Variants in JAKMIP2 observed in about 807,000 individuals in gnomAD.
JAKMIP2 encodes janus kinase and microtubule interacting protein 2.
A neutral mutation model predicts 115.0 loss-of-function variants in JAKMIP2; 25 were observed. The ratio of observed to expected loss-of-function variants is 0.22; its 90% confidence interval spans 0.16 to 0.30. The LOEUF (loss-of-function observed/expected upper bound fraction) is 0.30, where lower values mean the gene tolerates loss of function less well. JAKMIP2 is among the 10% of genes least tolerant of loss of function. JAKMIP2 has a pLI of 1.00. For missense variants in JAKMIP2, 642 were observed against 957.6 expected (o/e 0.67, Z 4.35); for synonymous variants, 334 against 343.6 (o/e 0.97, Z 0.31).
intron 1 of JAKMIP2, among the ~76,000 whole-genome samples, chr5:147,707,666 T>C (rs1270889547): frequency 6.6e-6 from 1 of 152,196 alleles, no homozygotes; most frequent in Non-Finnish European, 1.5e-5. Flanking sequence ...TTGATAGATA[T>C]ATTCATTTTC....
chr5:147,755,484 T>A (rs541850424), intron 1 of JAKMIP2, among the ~76,000 whole-genome samples: 1 of 152,282 alleles, frequency 6.6e-6, no homozygotes, highest in East Asian at 1.9e-4. Context: ...TTGATGCCTG[T>A]CTCAGATACT....
At chr5:147,712,515 A>C (rs1752820737) in intron 1 of JAKMIP2, among the ~76,000 whole-genome samples, 1 of 152,326 alleles carries the variant, frequency 6.6e-6, no homozygotes, top group Non-Finnish European at 1.5e-5. Context: ...CCATTGAAAA[A>C]ATAGGAGCAA....
intron 16 of JAKMIP2, among the ~76,000 whole-genome samples, chr5:147,627,177 T>C (rs796231633): frequency 1.1e-4 from 17 of 152,140 alleles, no homozygotes; most frequent in African/African-American, 4.1e-4. Flanking sequence ...CAAATGCAAA[T>C]GGACAGTGTA....
chr5:147,664,522 C>T (rs1205580858), intron 2 of JAKMIP2, among the ~76,000 whole-genome samples: 2 of 152,136 alleles, frequency 1.3e-5, no homozygotes, highest in Non-Finnish European at 2.9e-5. Context: ...ACTTATTCTT[C>T]CATCAGCTCC....
At chr5:147,686,174 C>T (rs1370158255) in intron 1 of JAKMIP2, among the ~76,000 whole-genome samples, 1 of 152,126 alleles carries the variant, frequency 6.6e-6, no homozygotes, top group East Asian at 1.9e-4. Context: ...TTAGTCACAG[C>T]GAGTCACAGC....
rs1758930558 is a variant in JAKMIP2, at chr5:147,660,988, G to A, written c.587C>T (p.Ser196Leu). 2 of 1,613,956 alleles carry A rather than the reference G, an allele frequency of 1.2e-6. No individual in the cohort carries two copies. The highest frequency in any genetic ancestry group is 1.7e-6 in the Non-Finnish European group (2 of 1,180,000). Residue 196 changes from serine (S) to leucine (L), a missense_variant, in exon 3 of 22, where the codon TCG becomes TTG. Ser to Leu is a moderately radical substitution (Grantham distance 145). This residue lies in a region of JAKMIP2 where 439 missense variants were observed against 570.9 expected (regional missense o/e 0.77). Transcript: ENST00000616793. ...SEHQSHQEAI[S>L]KIKWESERDI... Reference sequence around the variant, plus strand: ...CCGCTCCGACTCCCACTTGATCTTCGAGATGGCTTCTTGGTGGGACTGATG... The same window carrying A: ...CCGCTCCGACTCCCACTTGATCTTCAAGATGGCTTCTTGGTGGGACTGATG...
chr5:147,661,452 A>G lies in JAKMIP2; in HGVS notation c.130-7T>C. ...CTCTTTCAAGCTTTGATACCTAAAA[A>G]CAGAGAGGCGAAATGATGAAGAGAA... On this transcript the variant is annotated splice_polypyrimidine_tract_variant and splice_region_variant and intron_variant, in intron 2 of 21. Transcript: ENST00000616793. 6.2e-7 allele frequency: 1 copy of G among 1,603,652 alleles called. No homozygotes were observed. The highest frequency in any genetic ancestry group is 8.5e-7 in the Non-Finnish European group (1 of 1,175,336).
intron 1 of JAKMIP2, among the ~76,000 whole-genome samples, chr5:147,684,296 A>AACACACACACAC (rs10565596): frequency 2.0e-5 from 3 of 147,370 alleles, no homozygotes; most frequent in Non-Finnish European, 3.0e-5. Context: ...AGTGCCAGAG[A>AACACACACACAC]ACACACACAC....
At chr5:147,626,406 T>A (rs186859275) in intron 16 of JAKMIP2, among the ~76,000 whole-genome samples, 1 of 152,156 alleles carries the variant, frequency 6.6e-6, no homozygotes, top group African/African-American at 2.4e-5. Flanking sequence ...CCAGCTCCCA[T>A]GGGGTCTGCA....
chr5:147,594,698 G>T (rs1329641746), intron 21 of JAKMIP2, among the ~76,000 whole-genome samples: 1 of 151,952 alleles, frequency 6.6e-6, no homozygotes, highest in East Asian at 1.9e-4. Context: ...ATCTGTAAGG[G>T]CACCACCGTT....
chr5:147,673,231 G>A (rs1018864721), intron 1 of JAKMIP2, among the ~76,000 whole-genome samples: 2 of 152,122 alleles, frequency 1.3e-5, no homozygotes, highest in Non-Finnish European at 2.9e-5. Context: ...ATAGGAACAA[G>A]GGGCCCAGAA....
intron 5 of JAKMIP2, among the ~76,000 whole-genome samples, chr5:147,647,027 C>T (rs1758167723): frequency 6.6e-6 from 1 of 151,874 alleles, no homozygotes; most frequent in Admixed American, 6.6e-5. Flanking sequence ...CAAACTGCAA[C>T]TAATAATTAC....
At chr5:147,686,499 T>C (rs1184028821) in intron 1 of JAKMIP2, among the ~76,000 whole-genome samples, 1 of 152,196 alleles carries the variant, frequency 6.6e-6, no homozygotes. Flanking sequence ...ATTTGCTCTA[T>C]AGAAGCAGGG....
chr5:147,719,098 G>A (rs879457980), intron 1 of JAKMIP2, among the ~76,000 whole-genome samples: 3 of 134,776 alleles, frequency 2.2e-5, no homozygotes, highest in South Asian at 2.6e-4. Context: ...CCTTCATTTC[G>A]TTATGTACCC....
chr5:147,620,407 C>T (rs899328988), intron 18 of JAKMIP2, among the ~76,000 whole-genome samples: 4 of 152,202 alleles, frequency 2.6e-5, no homozygotes, highest in Non-Finnish European at 5.9e-5. Flanking sequence ...TGAGGCACCA[C>T]GTCTGGCCTT....
intron 21 of JAKMIP2, chr5:147,595,552 A>T: frequency 4.4e-6 from 2 of 454,764 alleles, no homozygotes; most frequent in Non-Finnish European, 8.8e-6. Flanking sequence ...TGAGCAATAC[A>T]TTACTATTAC....
At position 147,585,534 on chromosome 5, in the gene JAKMIP2, C is replaced by T. The variant is rs569795865; in HGVS notation, c.*6173G>A. On this transcript the variant is annotated 3_prime_UTR_variant, in exon 22 of 22. Transcript: ENST00000616793. ...ATACATAAATTATAAAATAACCATT[C>T]ATAAAACTTTACATACAGTAAGTTG... 1 of 152,298 alleles carries T rather than the reference C, an allele frequency of 6.6e-6. No individual in the cohort carries two copies. The highest frequency in any genetic ancestry group is 1.9e-4 in the East Asian group (1 of 5,188). 9.4% of individuals were successfully genotyped at this position (152,298 alleles called of 1,614,324 possible). A position where few individuals can be genotyped will look rare whatever the true frequency, so the allele number is the denominator to read the frequency against.
rs1020266942 is a variant in JAKMIP2, at chr5:147,698,517, T to C, written c.-148-26563A>G. Among the ~76,000 whole-genome samples the C allele has an allele frequency of 3.3e-4, 50 of 152,150 alleles. 1 individual carries two copies. The highest frequency in any genetic ancestry group is 1.2e-3 in the African/African-American group (49 of 41,438). On this transcript the variant is annotated intron_variant, in intron 1 of 21. Coordinates refer to ENST00000616793, the MANE Select transcript of JAKMIP2 (RefSeq NM_001270941.2). The stretch of plus-strand genomic sequence containing the variant: ...ACCCAAATCTCATCTTGAACTGTAG[T>C]TCCCATAATCCCCATGTGTTGTGGG...
chr5:147,663,052 T>G (rs1759113177), intron 2 of JAKMIP2, among the ~76,000 whole-genome samples: 1 of 151,740 alleles, frequency 6.6e-6, no homozygotes, highest in Admixed American at 6.6e-5. Flanking sequence ...TAATAGCTAG[T>G]TGAGTGATAT....
Sources: gnomAD v4.1 joint callset for allele counts (sites outside exome capture counted in the v4.1 genomes callset) on GRCh38, gnomAD v4.1.1 for gene constraint, gnomAD v4.1.1 regional missense constraint, MANE v1.5 for transcripts, NCBI Gene and HGNC (gene_info 2026-07-23, HGNC 2026-07-21) for gene names.